The following FBXL7 variants were observed in gnomAD, a reference collection of about 807,000 sequenced individuals.
FBXL7 encodes F-box/LRR-repeat protein 7.
Under a neutral mutation model 38.3 loss-of-function variants are expected in FBXL7, and 12 were observed. That is an observed-to-expected ratio of 0.31 (90% CI 0.20 to 0.51). The LOEUF is 0.51. Among genes scored for constraint, FBXL7 ranks in the 20% least tolerant of loss-of-function variants. The pLI is 0.98. For synonymous variants in FBXL7, 297 were observed against 300.9 expected (o/e 0.99, Z 0.13); for missense variants, 567 against 676.4 (o/e 0.84, Z 1.79).
At chr5:15,760,939 GAAA>G in intron 2 of FBXL7, among the ~76,000 whole-genome samples, 1 of 141,424 alleles carries the variant, frequency 7.1e-6, no homozygotes, top group South Asian at 2.2e-4. Context: ...GAATGAGACA[GAAA>G]AAAAAAAAGC....
intron 1 of FBXL7, among the ~76,000 whole-genome samples, chr5:15,528,237 A>T (rs545048805): frequency 9.9e-5 from 15 of 152,214 alleles, no homozygotes; most frequent in Non-Finnish European, 2.9e-5. Flanking sequence ...CTATGGACCC[A>T]GGAGTTTCTC....
chr5:15,501,242 G>A lies in FBXL7; in HGVS notation c.37+529G>A, dbSNP rs571037808. Among the ~76,000 whole-genome samples, 23 of 152,258 alleles carry A rather than the reference G, an allele frequency of 1.5e-4. 1 individual carries two copies. In the South Asian group the frequency reaches 4.2e-3, roughly 27 times the overall value. On this transcript the variant is annotated intron_variant, in intron 1 of 3. Coordinates refer to ENST00000504595, the MANE Select transcript of FBXL7 (RefSeq NM_012304.5). ...CCTGCGAGGCGTGGAATGGCTGGGG[G>A]CTTTGTCTGGTCTCTCTCGGGGCTG...
intron 2 of FBXL7, among the ~76,000 whole-genome samples, chr5:15,885,988 T>C (rs1214270134): frequency 6.6e-6 from 1 of 152,136 alleles, no homozygotes; most frequent in African/African-American, 2.4e-5. Flanking sequence ...CTCAAAGTGC[T>C]GGGATTATAG....
intron 2 of FBXL7, among the ~76,000 whole-genome samples, chr5:15,879,292 G>T (rs1740343857): frequency 6.6e-6 from 1 of 152,122 alleles, no homozygotes; most frequent in East Asian, 1.9e-4. Context: ...GAAATCTTCA[G>T]GTTTAATCTC....
At chr5:15,517,646 T>C (rs1055605063) in intron 1 of FBXL7, among the ~76,000 whole-genome samples, 3 of 151,712 alleles carry the variant, frequency 2.0e-5, no homozygotes, top group Non-Finnish European at 4.4e-5. Flanking sequence ...GGCAGGAGAG[T>C]CTGTGGCAAA....
rs532921284 is a variant in FBXL7 at position 15,678,766 on chromosome 5, G to A, written c.127+62694G>A. Among the ~76,000 whole-genome samples the A allele has an allele frequency of 1.1e-4, 16 of 152,264 alleles. No homozygotes were observed. In the East Asian group the frequency reaches 3.1e-3, roughly 29 times the overall value. Reference sequence around the variant, plus strand: ...TTGACGCTCTCATTCTCTCTTGTCTGCCGCCATGTAAGACATGCTTTCTGT... The same window carrying A: ...TTGACGCTCTCATTCTCTCTTGTCTACCGCCATGTAAGACATGCTTTCTGT... On this transcript the variant is annotated intron_variant, in intron 2 of 3. Coordinates refer to ENST00000504595, the MANE Select transcript of FBXL7 (RefSeq NM_012304.5).
rs553493186 is a variant in FBXL7 at position 15,748,704 on chromosome 5, T to G, written c.127+132632T>G. Among the ~76,000 whole-genome samples the G allele has an allele frequency of 2.6e-5, 4 of 152,262 alleles. No individual in the cohort carries two copies. The East Asian group carries it at 7.8e-4, about 30-fold the overall frequency. On this transcript the variant is annotated intron_variant, in intron 2 of 3. Transcript: ENST00000504595. The stretch of plus-strand genomic sequence containing the variant: ...AGACTAATACAAGGGCTAATTTTTT[T>G]TGTTTGTTTGTTTCTTTTGATAGGG...
chr5:15,765,090 G>T (rs1465560076), intron 2 of FBXL7, among the ~76,000 whole-genome samples: 2 of 152,128 alleles, frequency 1.3e-5, no homozygotes, highest in Admixed American at 6.5e-5. Context: ...CCTTAAATGG[G>T]ATTCAAAGTT....
At chr5:15,831,094 G>A (rs1738445581) in intron 2 of FBXL7, among the ~76,000 whole-genome samples, 1 of 152,138 alleles carries the variant, frequency 6.6e-6, no homozygotes, top group African/African-American at 2.4e-5. Context: ...AAGGTTAACT[G>A]GCATCACTCA....
At chr5:15,623,091 C>G (rs974472831) in intron 2 of FBXL7, among the ~76,000 whole-genome samples, 7 of 152,186 alleles carry the variant, frequency 4.6e-5, no homozygotes, top group African/African-American at 1.4e-4. Context: ...AAAAACATAA[C>G]TTTCGCTATT....
intron 1 of FBXL7, among the ~76,000 whole-genome samples, chr5:15,614,023 AACC>A (rs1740354698): frequency 1.3e-5 from 2 of 152,114 alleles, no homozygotes; most frequent in African/African-American, 4.8e-5. Flanking sequence ...CTCATGACCT[AACC>A]ACCTCCCAAG....
chr5:15,723,867 G>GT (rs1744269986), intron 2 of FBXL7, among the ~76,000 whole-genome samples: 1 of 152,204 alleles, frequency 6.6e-6, no homozygotes, highest in South Asian at 2.1e-4. Context: ...GGTAGTTTCT[G>GT]TTTTTTGTTT....
chr5:15,684,225 G>T (rs16867546), intron 2 of FBXL7, among the ~76,000 whole-genome samples: 1 of 152,048 alleles, frequency 6.6e-6, no homozygotes, highest in Non-Finnish European at 1.5e-5. Flanking sequence ...ACAAGCCTAC[G>T]CACCTGCTCT....
intron 2 of FBXL7, among the ~76,000 whole-genome samples, chr5:15,883,812 T>C (rs932399422): frequency 4.6e-5 from 7 of 152,206 alleles, no homozygotes; most frequent in African/African-American, 1.7e-4. Flanking sequence ...GTAGAGATAA[T>C]CTGTAAATAC....
chr5:15,509,086 A>G (rs978924895), intron 1 of FBXL7, among the ~76,000 whole-genome samples: 3 of 152,096 alleles, frequency 2.0e-5, no homozygotes, highest in African/African-American at 7.2e-5. Context: ...CTTTTAATTG[A>G]TGTTATTGGT....
chr5:15,899,874 C>T (rs1436904451), intron 2 of FBXL7, among the ~76,000 whole-genome samples: 1 of 152,102 alleles, frequency 6.6e-6, no homozygotes, highest in Non-Finnish European at 1.5e-5. Flanking sequence ...ATCTTTAATG[C>T]TTTTTAAAGA....
chr5:15,500,776 C>T (rs1454751138), intron 1 of FBXL7, 63 bp downstream of exon 1: 2 of 1,574,060 alleles, frequency 1.3e-6, no homozygotes, highest in Non-Finnish European at 1.7e-6. Flanking sequence ...CCCTCGCCCT[C>T]CCGACTGGGA....
chr5:15,569,522 C>A (rs1375127799), intron 1 of FBXL7, among the ~76,000 whole-genome samples: 7 of 151,446 alleles, frequency 4.6e-5, no homozygotes, highest in South Asian at 2.1e-4. Flanking sequence ...GATATACAAT[C>A]ATGTCATCTG....
intron 2 of FBXL7, among the ~76,000 whole-genome samples, chr5:15,669,322 T>G (rs987324418): frequency 2.0e-5 from 3 of 152,154 alleles, no homozygotes; most frequent in African/African-American, 7.2e-5. Flanking sequence ...TTCAGGAATT[T>G]TAAGCACCAA....
Sources: gnomAD v4.1 joint callset for allele counts (sites outside exome capture counted in the v4.1 genomes callset) on GRCh38, gnomAD v4.1.1 for gene constraint, MANE v1.5 for transcripts, NCBI Gene and HGNC (gene_info 2026-07-23, HGNC 2026-07-21) for gene names.